The following BYSL variants were observed in gnomAD, a reference collection of about 807,000 sequenced individuals.
The protein encoded by BYSL is bystin like.
Under a neutral mutation model 45.4 loss-of-function variants are expected in BYSL, and 21 were observed. That is an observed-to-expected ratio of 0.46 (90% CI 0.33 to 0.67). The LOEUF is 0.67. Among genes scored for constraint, BYSL ranks in the 30% least tolerant of loss-of-function variants. The pLI, the probability that BYSL is intolerant of heterozygous loss-of-function variation, is 0.02. For synonymous variants in BYSL, 215 were observed against 231.3 expected, an observed-to-expected ratio of 0.93 and a Z score of 0.64; for missense variants, 522 against 578.5, an observed-to-expected ratio of 0.90 and a Z score of 1.00.
upstream of BYSL, chr6:41,918,065 T>C: frequency 3.9e-6 from 1 of 255,588 alleles, no homozygotes; most frequent in South Asian, 3.6e-5. Context: ...AGTGAACCTC[T>C]TATGGTGGCT....
At position 41,930,258 on chromosome 6, in the gene BYSL, G is replaced by A. The variant is rs764938283; in HGVS notation, c.558G>A (p.Arg186=). ...QLDPRVLEVY[R]GVREVLSKYR... ...ACCCCCGGGTCCTAGAAGTGTACAG[G>A]GGGGTCCGGGAGGTAAGAGCTGAGA... The change falls in exon 3 of 7, where the codon AGG becomes AGA. Residue 186 remains arginine (R), a synonymous_variant. Coordinates refer to ENST00000230340, the MANE Select transcript of BYSL (RefSeq NM_004053.4). 1 of 1,614,096 alleles carries A rather than the reference G, an allele frequency of 6.2e-7. No individual in the cohort carries two copies. Among genetic ancestry groups the A allele is most frequent in the Non-Finnish European group, 8.5e-7 (1 of 1,179,980 alleles).
At position 41,923,311 on chromosome 6, in the gene BYSL, C is replaced by CTTT. The variant is rs35517592; in HGVS notation, c.268+1494_268+1496dup. On this transcript the variant is annotated intron_variant, in intron 1 of 6. Coordinates refer to ENST00000230340, the MANE Select transcript of BYSL (RefSeq NM_004053.4). ...TGTGTGCCACCATGTCCAACTAATT[C>CTTT]TTTTTTTTTTTTTTTGAGCCTGTCG... Among the ~76,000 whole-genome samples, 370 of 138,828 alleles carry CTTT rather than the reference C, an allele frequency of 2.7e-3. 5 individuals carry two copies. Among genetic ancestry groups the CTTT allele is most frequent in the African/African-American group, 9.4e-3 (351 of 37,292 alleles). 91.1% of individuals were successfully genotyped at this position (138,828 alleles called of 152,430 possible).
chr6:41,912,199 C>CTTT, the BYSL span, among the ~76,000 whole-genome samples: 59 of 119,278 alleles, frequency 4.9e-4, no homozygotes, highest in Admixed American at 7.4e-4. Flanking sequence ...CCATGCCCAC[C>CTTT]TTTTTTTTTT....
chr6:41,921,210 C>A, upstream of BYSL: 2 of 720,316 alleles, frequency 2.8e-6, no homozygotes, highest in African/African-American at 1.8e-5. Context: ...TCGGTGACGC[C>A]TCCACTGACA....
rs1006818294 is a variant in BYSL, at chr6:41,933,043, T to G, written c.*337T>G. 1 of 281,616 alleles carries G rather than the reference T, an allele frequency of 3.6e-6. No individual in the cohort carries two copies. The highest frequency in any genetic ancestry group is 2.2e-5 in the African/African-American group (1 of 46,190). 17.4% of individuals were successfully genotyped at this position (281,616 alleles called of 1,614,324 possible). ...GATAAAGGCAAAGACAGATATTTAT[T>G]GAACCTCTGTGTTTGGTGTAGTCAA... On this transcript the variant is annotated 3_prime_UTR_variant, in exon 7 of 7. Transcript: ENST00000230340.
At chr6:41,919,702 G>A (rs1413760509), upstream of BYSL, among the ~76,000 whole-genome samples, 1 of 152,110 alleles carries the variant, frequency 6.6e-6, no homozygotes, top group African/African-American at 2.4e-5. Flanking sequence ...GACCAAAGCA[G>A]GAGGCTCGCT....
chr6:41,916,820 G>A, upstream of BYSL: 1 of 1,614,112 alleles, frequency 6.2e-7, no homozygotes, highest in Non-Finnish European at 8.5e-7. Context: ...CGTATGGTAA[G>A]TCTCACAGTC....
At chr6:41,916,821 T>C, upstream of BYSL, 1 of 1,614,044 alleles carries the variant, frequency 6.2e-7, no homozygotes. Context: ...GTATGGTAAG[T>C]CTCACAGTCC....
intron 5 of BYSL, 69 bp downstream of exon 5, chr6:41,931,625 G>A (rs1775641105): frequency 1.2e-6 from 2 of 1,611,220 alleles, no homozygotes; most frequent in Admixed American, 1.7e-5. Flanking sequence ...CAGGCCTGGT[G>A]TGGGAAATTG....
the BYSL span, among the ~76,000 whole-genome samples, chr6:41,911,202 G>C: frequency 6.7e-6 from 1 of 149,830 alleles, no homozygotes; most frequent in African/African-American, 2.5e-5. Flanking sequence ...CCAGGCTGTA[G>C]TGCAATGGTG....
At chr6:41,928,308 T>G (rs1175079985) in intron 2 of BYSL, among the ~76,000 whole-genome samples, 1 of 152,208 alleles carries the variant, frequency 6.6e-6, no homozygotes, top group Non-Finnish European at 1.5e-5. Context: ...TAGGCTGTTT[T>G]GGGCTAATGC....
rs1775644648 is a variant in BYSL, at chr6:41,931,825, C to T, written c.963C>T (p.His321=). ...IITKCSIPVL[H]SSAAMLKIAE... is the part of the protein sequence containing the mutation. ...CCAAGTGCTCCATCCCTGTGTTGCA[C>T]TCCAGGTAGTATTGCTGGGGGTGGA... Residue 321 remains histidine (H), a synonymous_variant, in exon 6 of 7, where the codon CAC becomes CAT. Coordinates refer to ENST00000230340, the MANE Select transcript of BYSL (RefSeq NM_004053.4). 3 of 1,613,052 alleles carry T rather than the reference C, an allele frequency of 1.9e-6. No individual in the cohort carries two copies. The highest frequency in any genetic ancestry group is 2.2e-5 in the South Asian group (2 of 91,070).
intron 1 of BYSL, among the ~76,000 whole-genome samples, chr6:41,924,225 TA>T (rs1374688209): frequency 4.5e-5 from 5 of 111,216 alleles, no homozygotes; most frequent in African/African-American, 1.8e-4. Flanking sequence ...CACACCCAGC[TA>T]ATTTTTTTTT....
At chr6:41,931,170 C>G (rs1192197798) in intron 4 of BYSL, among the ~76,000 whole-genome samples, 1 of 88,870 alleles carries the variant, frequency 1.1e-5, no homozygotes, top group Non-Finnish European at 2.4e-5. Flanking sequence ...CTGGCTCTCC[C>G]ACAGACAAAC....
intron 2 of BYSL, among the ~76,000 whole-genome samples, chr6:41,929,539 C>T (rs1349856347): frequency 1.3e-5 from 2 of 152,122 alleles, no homozygotes; most frequent in African/African-American, 4.8e-5. Context: ...TCTGAAGATG[C>T]TAGTATTATA....
chr6:41,909,347 G>A, the BYSL span: 1 of 1,614,150 alleles, frequency 6.2e-7, no homozygotes, highest in South Asian at 1.1e-5. Flanking sequence ...ACTGGTACCT[G>A]GTGCCCCGGG....
chr6:41,930,405 G>C (rs942441721), intron 3 of BYSL, 135 bp downstream of exon 3: 2 of 1,325,414 alleles, frequency 1.5e-6, no homozygotes, highest in African/African-American at 3.0e-5. Context: ...AAGAGGCAGA[G>C]TGTGTGGGTT....
rs745309270 is a variant in BYSL, at chr6:41,932,707, G to A, written c.*1G>A. Reference sequence around the variant, plus strand: ...AGATGTTCCCATCACCGTGGAGTGAGGAAAACAGTCAGCTGTCCTGGCCAA... The same window carrying A: ...AGATGTTCCCATCACCGTGGAGTGAAGAAAACAGTCAGCTGTCCTGGCCAA... On this transcript the variant is annotated 3_prime_UTR_variant, in exon 7 of 7. Coordinates refer to ENST00000230340, the MANE Select transcript of BYSL (RefSeq NM_004053.4). This position sits in a 1 kb window ranked among gnomAD's most constrained non-coding sequence, Gnocchi z 4.7. 2.5e-6 allele frequency: 4 copies of A among 1,602,872 alleles called. No individual in the cohort carries two copies. In the South Asian group the frequency reaches 3.3e-5, roughly 13 times the overall value.
At position 41,932,004 on chromosome 6, in the gene BYSL, CA is replaced by C. The variant is rs1775648181; in HGVS notation, c.968+175del. On this transcript the variant is annotated intron_variant, in intron 6 of 6. Coordinates refer to ENST00000230340, the MANE Select transcript of BYSL (RefSeq NM_004053.4). The surrounding 1 kb of genome is among the most constrained non-coding windows in gnomAD (Gnocchi z 4.7). ...CCCCTCAATGTAAGTTGTGCAACAA[CA>C]GGGCCCGAGTGCCTGGCATAAAGTA... Among the ~76,000 whole-genome samples the C allele has an allele frequency of 6.6e-6, 1 of 152,166 alleles. No individual in the cohort carries two copies. The highest frequency in any genetic ancestry group is 2.4e-5 in the African/African-American group (1 of 41,436).
Sources: allele counts gnomAD v4.1 joint callset (sites outside exome capture counted in the v4.1 genomes callset), GRCh38; gene constraint gnomAD v4.1.1; non-coding constraint Gnocchi (gnomAD v3.1); transcripts MANE v1.5; gene names NCBI Gene and HGNC (gene_info 2026-07-23, HGNC 2026-07-21).